Variants in TRAK1 observed in about 807,000 individuals in gnomAD.
The protein encoded by TRAK1 is trafficking kinesin protein 1.
TRAK1 carries 33 observed loss-of-function variants against 92.1 expected under a neutral mutation model. The ratio of observed to expected loss-of-function variants is 0.36; its 90% CI spans 0.27 to 0.48. The LOEUF (loss-of-function observed/expected upper bound fraction) is 0.48, where lower values mean the gene tolerates loss of function less well. Ranked by LOEUF, TRAK1 falls within the 20% of genes least tolerant of loss-of-function variation. The probability of loss-of-function intolerance (pLI) is 0.99; values close to 1 mark genes in which losing one functional copy is unlikely to be tolerated. For synonymous variants in TRAK1, 521 were observed against 517.3 expected, an observed-to-expected ratio of 1.01 and a Z score of -0.10; for missense variants, 1,123 against 1,257.9, an observed-to-expected ratio of 0.89 and a Z score of 1.62.
chr3:42,181,788 C>T (rs1704036333), intron 3 of TRAK1, among the ~76,000 whole-genome samples: 1 of 152,072 alleles, frequency 6.6e-6, no homozygotes, highest in Admixed American at 6.6e-5. Context: ...CAGTTTTAAC[C>T]AAATCCACCT....
chr3:42,041,497 C>T (rs1342630614), intron 1 of TRAK1, among the ~76,000 whole-genome samples: 1 of 151,732 alleles, frequency 6.6e-6, no homozygotes, highest in Non-Finnish European at 1.5e-5. Context: ...TGTATTTGTT[C>T]TAATAGTTTT....
intron 1 of TRAK1, among the ~76,000 whole-genome samples, chr3:42,063,265 C>T (rs760202706): frequency 9.2e-5 from 14 of 152,364 alleles, no homozygotes; most frequent in East Asian, 1.9e-4. Context: ...TTTTCCGCTT[C>T]GCGGGAAAAG....
intron 3 of TRAK1, among the ~76,000 whole-genome samples, chr3:42,182,812 A>G (rs1213963617): frequency 6.6e-6 from 1 of 152,232 alleles, no homozygotes; most frequent in Non-Finnish European, 1.5e-5. Flanking sequence ...TATTGCATGG[A>G]ATAATTGGGT....
chr3:42,225,865 A>G lies in TRAK1; in HGVS notation c.*2128A>G, dbSNP rs1361555008. Reference sequence around the variant, plus strand: ...ACTTGAAAGTGTTTAGCTCTTTGCAAAATTAAATGAAAGGCATATACTTCA... The same window carrying G: ...ACTTGAAAGTGTTTAGCTCTTTGCAGAATTAAATGAAAGGCATATACTTCA... On this transcript the variant is annotated 3_prime_UTR_variant, in exon 16 of 16. Coordinates refer to ENST00000327628, the MANE Select transcript of TRAK1 (RefSeq NM_001042646.3). 1 of 152,158 alleles carries G rather than the reference A, an allele frequency of 6.6e-6. No homozygotes were observed. The highest frequency in any genetic ancestry group is 2.4e-5 in the African/African-American group (1 of 41,422). The allele number at this position is 152,158 out of a possible 1,614,324, so 9.4% of individuals were successfully genotyped here.
intron 1 of TRAK1, among the ~76,000 whole-genome samples, chr3:42,014,395 C>T (rs950549578): frequency 6.6e-5 from 10 of 152,148 alleles, no homozygotes; most frequent in African/African-American, 2.4e-4. Context: ...CTTCAAAGAG[C>T]CTGGAGCTGA....
At chr3:42,206,942 A>G (rs1290612384) in intron 13 of TRAK1, among the ~76,000 whole-genome samples, 1 of 152,148 alleles carries the variant, frequency 6.6e-6, no homozygotes, top group Non-Finnish European at 1.5e-5. Context: ...AGAAAGGCCT[A>G]TGAGACTCTT....
chr3:42,072,132 C>G (rs750893497), intron 1 of TRAK1, among the ~76,000 whole-genome samples: 1 of 152,192 alleles, frequency 6.6e-6, no homozygotes, highest in Non-Finnish European at 1.5e-5. Context: ...CAGTATTAAG[C>G]GTCCGGAGGC....
chr3:42,084,772 C>T (rs1406972891), upstream of TRAK1, among the ~76,000 whole-genome samples: 1 of 151,442 alleles, frequency 6.6e-6, no homozygotes, highest in Non-Finnish European at 1.5e-5. Context: ...GTATTTGAGT[C>T]ACTGACTAGG....
intron 1 of TRAK1, among the ~76,000 whole-genome samples, chr3:42,103,711 G>A (rs972834976): frequency 1.3e-5 from 2 of 152,166 alleles, no homozygotes; most frequent in Non-Finnish European, 2.9e-5. Flanking sequence ...GATCCAGGAG[G>A]AGTGGTTCCA....
intron 1 of TRAK1, among the ~76,000 whole-genome samples, chr3:42,036,700 A>G (rs1304817413): frequency 2.0e-5 from 3 of 152,038 alleles, no homozygotes; most frequent in Non-Finnish European, 4.4e-5. Flanking sequence ...CCTAGGCTTG[A>G]CTCTGTAACA....
chr3:42,095,462 A>G (rs1705768090), intron 1 of TRAK1, among the ~76,000 whole-genome samples: 2 of 152,196 alleles, frequency 1.3e-5, no homozygotes, highest in Non-Finnish European at 2.9e-5. Flanking sequence ...CACGTGGTAA[A>G]ACTTGAAAGT....
intron 2 of TRAK1, among the ~76,000 whole-genome samples, chr3:42,147,288 G>T (rs1053994763): frequency 6.6e-6 from 1 of 152,202 alleles, no homozygotes; most frequent in Non-Finnish European, 1.5e-5. Flanking sequence ...AGGGAATAAA[G>T]TAAGTGAGGG....
At chr3:42,182,459 AT>A (rs1449336693) in intron 3 of TRAK1, among the ~76,000 whole-genome samples, 3 of 151,764 alleles carry the variant, frequency 2.0e-5, no homozygotes. Flanking sequence ...CACCCAGCCA[AT>A]TTTTGTATTT....
At chr3:42,137,874 A>G (rs909644030) in intron 2 of TRAK1, among the ~76,000 whole-genome samples, 5 of 152,204 alleles carry the variant, frequency 3.3e-5, no homozygotes, top group Admixed American at 6.5e-5. Context: ...TTATCACTGC[A>G]TTGGGACTCG....
intron 2 of TRAK1, among the ~76,000 whole-genome samples, chr3:42,138,316 G>A (rs1698210201): frequency 6.6e-6 from 1 of 152,176 alleles, no homozygotes. Context: ...CATCTTCAGA[G>A]AGTAAATTAA....
chr3:42,152,093 A>G (rs1406255146), intron 2 of TRAK1, among the ~76,000 whole-genome samples: 2 of 152,174 alleles, frequency 1.3e-5, no homozygotes, highest in African/African-American at 2.4e-5. Context: ...GTTCTCTTCT[A>G]TCTTTGAGGG....
intron 1 of TRAK1, among the ~76,000 whole-genome samples, chr3:42,075,547 C>A (rs1318479862): frequency 6.6e-6 from 1 of 152,084 alleles, no homozygotes; most frequent in Non-Finnish European, 1.5e-5. Context: ...ATTTTAAATT[C>A]TTTGATAAAT....
intron 1 of TRAK1, among the ~76,000 whole-genome samples, chr3:42,036,129 T>C (rs900176783): frequency 2.6e-5 from 4 of 152,118 alleles, no homozygotes; most frequent in African/African-American, 9.7e-5. Context: ...ATTTGGACAG[T>C]GGGGGACACA....
intron 2 of TRAK1, among the ~76,000 whole-genome samples, chr3:42,163,222 A>C (rs1701467002): frequency 1.3e-5 from 2 of 152,282 alleles, no homozygotes; most frequent in South Asian, 4.1e-4. Flanking sequence ...AGCAGTTCTC[A>C]AAGTGGGGTC....
Sources: gnomAD v4.1 joint callset for allele counts (sites outside exome capture counted in the v4.1 genomes callset) on GRCh38, gnomAD v4.1.1 for gene constraint, MANE v1.5 for transcripts, NCBI Gene and HGNC (gene_info 2026-07-23, HGNC 2026-07-21) for gene names.